Variants in EPHA7 observed in about 807,000 individuals in gnomAD.
EPHA7 encodes ephrin type-A receptor 7.
EPHA7 carries 25 observed loss-of-function variants against 112.6 expected under a neutral mutation model. That is an observed-to-expected ratio of 0.22 (90% CI 0.16 to 0.31). EPHA7 has a LOEUF of 0.31. Among genes scored for constraint, EPHA7 ranks in the 10% least tolerant of loss-of-function variants. The pLI, the probability that EPHA7 is intolerant of heterozygous loss-of-function variation, is 1.00. For synonymous variants in EPHA7, 437 were observed against 406.5 expected (o/e 1.07, Z -0.90); for missense variants, 962 against 1,212.6 (o/e 0.79, Z 3.07).
chr6:93,407,167 T>C (rs1039577753), intron 3 of EPHA7, among the ~76,000 whole-genome samples: 3 of 152,008 alleles, frequency 2.0e-5, no homozygotes, highest in Non-Finnish European at 4.4e-5. Flanking sequence ...CAGTTTTTTA[T>C]AGTTATTTAT....
intron 3 of EPHA7, among the ~76,000 whole-genome samples, chr6:93,370,328 T>C (rs1776726682): frequency 6.6e-6 from 1 of 152,164 alleles, no homozygotes. Context: ...TTTAAATACA[T>C]GACCTACCCA....
chr6:93,379,251 A>T (rs1777216395), intron 3 of EPHA7, among the ~76,000 whole-genome samples: 1 of 152,060 alleles, frequency 6.6e-6, no homozygotes, highest in South Asian at 2.1e-4. Flanking sequence ...AAGAAAAATT[A>T]AAAATTTGAA....
intron 5 of EPHA7, among the ~76,000 whole-genome samples, chr6:93,285,426 T>G (rs915300621): frequency 1.3e-5 from 2 of 151,950 alleles, no homozygotes; most frequent in Non-Finnish European, 2.9e-5. Context: ...TAATTTGGAG[T>G]TAACACAGAA....
intron 3 of EPHA7, among the ~76,000 whole-genome samples, chr6:93,361,953 T>C (rs1483500666): frequency 6.6e-6 from 1 of 152,100 alleles, no homozygotes; most frequent in Non-Finnish European, 1.5e-5. Flanking sequence ...ACATTCACTA[T>C]ATTGATAAAA....
At chr6:93,292,506 T>C (rs574556787) in intron 5 of EPHA7, among the ~76,000 whole-genome samples, 49 of 152,102 alleles carry the variant, frequency 3.2e-4, no homozygotes, top group African/African-American at 1.2e-3. Context: ...GTGTTTTTTT[T>C]TGGGGGGGCG....
intron 3 of EPHA7, among the ~76,000 whole-genome samples, chr6:93,388,791 T>C (rs1419635962): frequency 2.6e-5 from 4 of 152,030 alleles, no homozygotes; most frequent in African/African-American, 7.2e-5. Flanking sequence ...CATTAGGTGA[T>C]GCATAAAAAG....
intron 4 of EPHA7, among the ~76,000 whole-genome samples, chr6:93,357,491 C>T (rs1487015693): frequency 6.6e-6 from 1 of 152,070 alleles, no homozygotes; most frequent in Non-Finnish European, 1.5e-5. Context: ...ATAGCAATGC[C>T]TGAGATTGGC....
In EPHA7 at chr6:93,410,418, T is replaced by C. The variant is rs1290703580; in HGVS notation, c.832+83A>G. 5 of 1,285,552 alleles carry C rather than the reference T, an allele frequency of 3.9e-6. No homozygotes were observed. The African/African-American group carries it at 7.4e-5, about 19-fold the overall frequency. 79.6% of individuals were successfully genotyped at this position (1,285,552 alleles called of 1,614,324 possible). Reference sequence around the variant, plus strand: ...TTCTGGTACAGAGCAGATTCACGTATTCAAATAACTATTAAAGTTTAAAAT... The same window carrying C: ...TTCTGGTACAGAGCAGATTCACGTACTCAAATAACTATTAAAGTTTAAAAT... On this transcript the variant is annotated intron_variant, in intron 3 of 16. Coordinates refer to ENST00000369303, the MANE Select transcript of EPHA7 (RefSeq NM_004440.4). The surrounding 1 kb of genome is among the most constrained non-coding windows in gnomAD (Gnocchi z 4.0).
At chr6:93,246,661 G>T in intron 15 of EPHA7, 131 bp downstream of exon 15, 1 of 669,686 alleles carries the variant, frequency 1.5e-6, no homozygotes, top group Non-Finnish European at 2.4e-6. Flanking sequence ...TTCAGTAAAT[G>T]CAATACATTT....
At chr6:93,412,783 T>A (rs1779041880) in intron 2 of EPHA7, among the ~76,000 whole-genome samples, 1 of 152,052 alleles carries the variant, frequency 6.6e-6, no homozygotes, top group Admixed American at 6.5e-5. Flanking sequence ...AATGTGCTCC[T>A]TTTTAACAAC....
intron 14 of EPHA7, among the ~76,000 whole-genome samples, chr6:93,249,489 A>G (rs1406000232): frequency 1.3e-5 from 2 of 152,170 alleles, no homozygotes; most frequent in African/African-American, 2.4e-5. Context: ...AATTTTATAT[A>G]TTCAAAATGA....
intron 5 of EPHA7, among the ~76,000 whole-genome samples, chr6:93,307,282 C>A (rs1468389238): frequency 6.6e-6 from 1 of 151,724 alleles, no homozygotes; most frequent in East Asian, 1.9e-4. Flanking sequence ...ATACAAAATT[C>A]TAGTTAAAAG....
chr6:93,319,455 C>T (rs967272002), intron 5 of EPHA7, among the ~76,000 whole-genome samples: 2 of 152,056 alleles, frequency 1.3e-5, no homozygotes, highest in African/African-American at 4.8e-5. Flanking sequence ...GCCTGGAATA[C>T]ATGAATGAGG....
At chr6:93,387,424 T>C (rs893173874) in intron 3 of EPHA7, among the ~76,000 whole-genome samples, 1 of 152,126 alleles carries the variant, frequency 6.6e-6, no homozygotes, top group East Asian at 1.9e-4. Flanking sequence ...ATTCCCAACT[T>C]TCCCACATCT....
intron 3 of EPHA7, among the ~76,000 whole-genome samples, chr6:93,407,683 T>C (rs1778787436): frequency 6.6e-6 from 1 of 152,056 alleles, no homozygotes; most frequent in Non-Finnish European, 1.5e-5. Flanking sequence ...TAATACCTAA[T>C]TTCAAGTATT....
intron 3 of EPHA7, among the ~76,000 whole-genome samples, chr6:93,392,169 T>C (rs1170282456): frequency 6.6e-6 from 1 of 151,636 alleles, no homozygotes; most frequent in African/African-American, 2.4e-5. Flanking sequence ...CAGTGAAGAG[T>C]AAACTCCAAT....
chr6:93,269,750 A>G, intron 6 of EPHA7, 90 bp from the exon 7 acceptor site: 14 of 1,071,636 alleles, frequency 1.3e-5, no homozygotes, highest in Non-Finnish European at 2.7e-6. Flanking sequence ...AATTTGCTCC[A>G]TTGTTTTTAT....
intron 5 of EPHA7, among the ~76,000 whole-genome samples, chr6:93,333,159 A>G (rs1774686633): frequency 6.6e-6 from 1 of 151,454 alleles, no homozygotes; most frequent in Non-Finnish European, 1.5e-5. Context: ...TCCTGCATTA[A>G]TTTGTTTAGG....
chr6:93,379,765 A>C (rs1777243550), intron 3 of EPHA7, among the ~76,000 whole-genome samples: 1 of 152,056 alleles, frequency 6.6e-6, no homozygotes, highest in African/African-American at 2.4e-5. Context: ...TGAGTCCATT[A>C]GTAAAATTCA....
Sources: gnomAD v4.1 joint callset for allele counts (sites outside exome capture counted in the v4.1 genomes callset) on GRCh38, gnomAD v4.1.1 for gene constraint, Gnocchi (gnomAD v3.1) non-coding constraint, MANE v1.5 for transcripts, NCBI Gene and HGNC (gene_info 2026-07-23, HGNC 2026-07-21) for gene names.